Variants in ZNF595 observed in about 807,000 individuals in gnomAD.
The protein encoded by ZNF595 is zinc finger protein 595.
Under a neutral mutation model 19.4 loss-of-function variants are expected in ZNF595, and 9 were observed. The observed-to-expected ratio is 0.46, with a 90% CI of 0.28 to 0.81. The LOEUF is 0.81. ZNF595 is among the 30% of genes least tolerant of loss of function. The probability of loss-of-function intolerance (pLI) is 0.11; values close to 1 mark genes in which losing one functional copy is unlikely to be tolerated. For synonymous variants in ZNF595, 255 were observed against 255.9 expected (o/e 1.00, Z 0.03); for missense variants, 729 against 736.0 (o/e 0.99, Z 0.11).
intron 3 of ZNF595, among the ~76,000 whole-genome samples, chr4:70,036 T>C (rs1248120653): frequency 6.6e-6 from 1 of 152,172 alleles, no homozygotes; most frequent in Non-Finnish European, 1.5e-5. Flanking sequence ...CTGTAAACAG[T>C]TGTGACCCTG....
At chr4:61,174 G>A (rs1712845429) in intron 3 of ZNF595, among the ~76,000 whole-genome samples, 1 of 149,822 alleles carries the variant, frequency 6.7e-6, no homozygotes, top group Admixed American at 6.7e-5. Context: ...TTTTTTTTGA[G>A]ACGGAGTCTT....
intron 3 of ZNF595, among the ~76,000 whole-genome samples, chr4:61,233 A>G (rs1158539701): frequency 1.3e-5 from 2 of 152,218 alleles, no homozygotes; most frequent in East Asian, 3.9e-4. Context: ...GGCTCACTGC[A>G]ACCTCTGCTG....
At chr4:84,782 T>C (rs890879925) in intron 3 of ZNF595, among the ~76,000 whole-genome samples, 1 of 152,196 alleles carries the variant, frequency 6.6e-6, no homozygotes, top group Non-Finnish European at 1.5e-5. Context: ...ATTTGTTTTT[T>C]ATATTTTAAC....
At chr4:80,360 A>G (rs937719940) in intron 3 of ZNF595, among the ~76,000 whole-genome samples, 15 of 152,366 alleles carry the variant, frequency 9.8e-5, no homozygotes, top group African/African-American at 3.6e-4. Flanking sequence ...CAAATTAGAT[A>G]TAGATGGTAT....
Position 69,908 on chromosome 4 carries a change from G to T in ZNF595, c.226+9755G>T, listed in dbSNP as rs550946405. On this transcript the variant is annotated intron_variant, in intron 3 of 3. Coordinates refer to ENST00000610261, the MANE Select transcript of ZNF595 (RefSeq NM_182524.4). The stretch of plus-strand genomic sequence containing the variant: ...GCAGTAGTTTCATAGTTCGATGCGG[G>T]GGTCTGCCCACAGACCGTGACCCAA... 4.6e-5 allele frequency among the ~76,000 whole-genome samples: 7 copies of T among 152,164 alleles called. 1 individual carries two copies. In the South Asian group the frequency reaches 1.5e-3, roughly 32 times the overall value.
In ZNF595 at chr4:80,109, G is replaced by A. The variant is rs565060768; in HGVS notation, c.227-5622G>A. On this transcript the variant is annotated intron_variant, in intron 3 of 3. Transcript: ENST00000610261. The stretch of plus-strand genomic sequence containing the variant: ...ATGATCTCAGCTCACTGCAACCTCC[G>A]CCTCCCAGGTTCAAGCAATTCTTCT... Among the ~76,000 whole-genome samples, 15 of 152,138 alleles carry A rather than the reference G, an allele frequency of 9.9e-5. No homozygotes were observed. In the South Asian group the frequency reaches 1.9e-3, roughly 19 times the overall value.
chr4:78,115 TCTC>T (rs1713750373), intron 3 of ZNF595, among the ~76,000 whole-genome samples: 1 of 152,154 alleles, frequency 6.6e-6, no homozygotes, highest in Non-Finnish European at 1.5e-5. Flanking sequence ...TTCACGCCAT[TCTC>T]CTGTCTCAGC....
intron 3 of ZNF595, among the ~76,000 whole-genome samples, chr4:69,817 T>C (rs1413082134): frequency 1.3e-5 from 2 of 152,154 alleles, no homozygotes; most frequent in Non-Finnish European, 2.9e-5. Context: ...CCTGTGCTTG[T>C]GGGGGTATTA....
rs1395654932 is a variant in ZNF595 at position 80,020 on chromosome 4, AAT to A, written c.227-5708_227-5707del. ...GCAGAAGCAGCATTGGGCAAAATTG[AAT>A]ATGTCTTTTTTTTTCTTGAGACGAA... On this transcript the variant is annotated intron_variant, in intron 3 of 3. Transcript: ENST00000610261. Among the ~76,000 whole-genome samples, 57 of 152,068 alleles carry A rather than the reference AAT, an allele frequency of 3.7e-4. 1 individual carries two copies. The highest frequency in any genetic ancestry group is 3.5e-3 in the Admixed American group (53 of 15,262).
Position 85,859 on chromosome 4 carries a change from C to T in ZNF595, c.355C>T (p.Arg119Cys), listed in dbSNP as rs782527343. 6.8e-6 allele frequency: 11 copies of T among 1,613,974 alleles called. No individual in the cohort carries two copies. The highest frequency in any genetic ancestry group is 1.1e-5 in the South Asian group (1 of 91,076). ...TTTACAATTAAGAAAAGGCTGTAAA[C>T]GTGTGAATGAGTGTAAGGTGCAGAA... is the stretch of plus-strand genomic sequence containing the variant. The part of the protein sequence containing the change: ...ENLQLRKGCK[R>C]VNECKVQKGV... Residue 119 changes from arginine (R) to cysteine (C), a missense_variant, in exon 4 of 4, where the codon CGT becomes TGT. By Grantham distance (180) the Arg-to-Cys change is radical (BLOSUM62 -3). Around this residue, in one of 2 missense-constraint regions of ZNF595, gnomAD observed 729 missense variants for 675.3 expected, o/e 1.08. Coordinates refer to ENST00000610261, the MANE Select transcript of ZNF595 (RefSeq NM_182524.4).
intron 1 of ZNF595, among the ~76,000 whole-genome samples, chr4:55,761 AT>A: frequency 6.6e-6 from 1 of 152,066 alleles, no homozygotes; most frequent in Non-Finnish European, 1.5e-5. Flanking sequence ...ACATGATGAA[AT>A]TATAATAAAT....
intron 3 of ZNF595, among the ~76,000 whole-genome samples, chr4:84,588 AAATGACACATC>A (rs1442364680): frequency 2.6e-5 from 4 of 152,324 alleles, no homozygotes; most frequent in Admixed American, 1.3e-4. Flanking sequence ...CCACACTTAT[AAATGACACATC>A]ACTTTTATCT....
rs1714172944 is a variant in ZNF595 at position 86,360 on chromosome 4, T to A, written c.856T>A (p.Cys286Ser). Residue 286 changes from cysteine to serine, a missense_variant, in exon 4 of 4, where the codon TGT (cysteine) becomes AGT (serine). Cys to Ser is a moderately radical substitution (Grantham distance 112). Around this residue, in one of 2 missense-constraint regions of ZNF595, gnomAD observed 729 missense variants for 675.3 expected, o/e 1.08. Coordinates refer to ENST00000610261, the MANE Select transcript of ZNF595 (RefSeq NM_182524.4). ...KIHTGEKPYK[C>S]KECGKAFRWS... ...TCATACTGGAGAGAAACCCTACAAA[T>A]GTAAAGAATGTGGCAAAGCCTTTAG... The A allele has an allele frequency of 6.2e-7, 1 of 1,613,386 alleles. No homozygotes were observed. Among genetic ancestry groups the A allele is most frequent in the Non-Finnish European group, 8.5e-7 (1 of 1,179,880 alleles).
chr4:61,730 T>G (rs1581323990), intron 3 of ZNF595, among the ~76,000 whole-genome samples: 1 of 152,094 alleles, frequency 6.6e-6, no homozygotes, highest in African/African-American at 2.4e-5. Context: ...ACATATTGTT[T>G]AAGAAAACTA....
At chr4:75,281 C>G (rs12511220) in intron 3 of ZNF595, among the ~76,000 whole-genome samples, 1 of 152,070 alleles carries the variant, frequency 6.6e-6, no homozygotes, top group Non-Finnish European at 1.5e-5. Flanking sequence ...GTTTGCTTAG[C>G]GCACAATCCT....
intron 3 of ZNF595, among the ~76,000 whole-genome samples, chr4:79,751 T>G (rs1553799503): frequency 6.6e-6 from 1 of 151,868 alleles, no homozygotes. Flanking sequence ...CCTATAAATT[T>G]TAAGCTAGTT....
chr4:79,685 T>TTC (rs1365762209), intron 3 of ZNF595, among the ~76,000 whole-genome samples: 1 of 151,650 alleles, frequency 6.6e-6, no homozygotes, highest in Non-Finnish European at 1.5e-5. Flanking sequence ...GTTTTTTTTT[T>TTC]TTTTCTTTTC....
chr4:87,327 C>G lies in ZNF595; in HGVS notation c.1823C>G (p.Thr608Ser). Residue 608 changes from threonine (T) to serine (S), a missense_variant, in exon 4 of 4, where the codon ACT becomes AGT. Coordinates refer to ENST00000610261, the MANE Select transcript of ZNF595 (RefSeq NM_182524.4). ...GCCTTCAATTGGTCCTCATCCCTTA[C>G]TAAACATAAGATAATTCATACTGGA... is the stretch of plus-strand genomic sequence containing the variant. ...GKAFNWSSSL[T>S]KHKIIHTGEK... is the part of the protein sequence containing the mutation. 1 of 1,610,508 alleles carries G rather than the reference C, an allele frequency of 6.2e-7. No individual in the cohort carries two copies. Among genetic ancestry groups the G allele is most frequent in the Non-Finnish European group, 8.5e-7 (1 of 1,178,672 alleles).
chr4:74,506 T>C (rs1713564143), intron 3 of ZNF595, among the ~76,000 whole-genome samples: 1 of 152,222 alleles, frequency 6.6e-6, no homozygotes, highest in African/African-American at 2.4e-5. Context: ...ATTTAGAAAG[T>C]TTATTTTGCC....
Sources: gnomAD v4.1 joint callset for allele counts (sites outside exome capture counted in the v4.1 genomes callset) on GRCh38, gnomAD v4.1.1 for gene constraint, gnomAD v4.1.1 regional missense constraint, MANE v1.5 for transcripts, NCBI Gene and HGNC (gene_info 2026-07-23, HGNC 2026-07-21) for gene names.